ILDR2: variants seen among roughly 807,000 people sequenced by gnomAD.
ILDR2 encodes the protein immunoglobulin like domain containing receptor 2.
Under a neutral mutation model 66.8 loss-of-function variants are expected in ILDR2, and 25 were observed. The observed-to-expected ratio is 0.37, with a 90% CI of 0.27 to 0.52. The LOEUF is 0.52. Among genes scored for constraint, ILDR2 ranks in the 20% least tolerant of loss-of-function variants. The probability of loss-of-function intolerance (pLI) is 0.88; values close to 1 mark genes in which losing one functional copy is unlikely to be tolerated. For synonymous variants in ILDR2, 367 were observed against 357.2 expected (o/e 1.03, Z -0.31); for missense variants, 827 against 876.8 (o/e 0.94, Z 0.72).
At chr1:166,899,958 T>C (rs1198942937) in intron 2 of ILDR2, among the ~76,000 whole-genome samples, 2 of 152,234 alleles carry the variant, frequency 1.3e-5, no homozygotes, top group Admixed American at 6.5e-5. Context: ...TCCAGCACAG[T>C]TGATGTCATC....
At chr1:166,919,978 C>T (rs1400440742) in intron 9 of ILDR2, among the ~76,000 whole-genome samples, 1 of 152,142 alleles carries the variant, frequency 6.6e-6, no homozygotes, top group Non-Finnish European at 1.5e-5. Context: ...CCACAGCGGA[C>T]ATTTGTGACT....
intron 2 of ILDR2, among the ~76,000 whole-genome samples, chr1:166,899,761 T>G (rs772540265): frequency 6.6e-6 from 1 of 152,268 alleles, no homozygotes; most frequent in Non-Finnish European, 1.5e-5. Flanking sequence ...ACAACCCTTC[T>G]TCTCCTTGCT....
In ILDR2 at chr1:166,920,740, C is replaced by T. The variant is rs1480098640; in HGVS notation, c.1851G>A (p.Glu617=). ...GRDLPYHSNS[E]KKRKKEPAKK... ...TGGCGGGCTCCTTTTTCCTCTTCTT[C>T]TCCGAGTTGCTGTGGTAGGGCAGGT... is the stretch of plus-strand genomic sequence containing the variant. Residue 617 remains glutamate (E), a synonymous_variant, in exon 9 of 10, where the codon GAG becomes GAA. Coordinates refer to ENST00000271417, the MANE Select transcript of ILDR2 (RefSeq NM_199351.3). 1 of 1,453,052 alleles carries T rather than the reference C, an allele frequency of 6.9e-7. No individual in the cohort carries two copies. The highest frequency in any genetic ancestry group is 9.1e-7 in the Non-Finnish European group (1 of 1,100,706). 90.0% of individuals were successfully genotyped at this position (1,453,052 alleles called of 1,614,324 possible). A position where few individuals can be genotyped will look rare whatever the true frequency, so the allele number is the denominator to read the frequency against.
chr1:166,907,672 G>T (rs1659373345), downstream of ILDR2, among the ~76,000 whole-genome samples: 1 of 152,150 alleles, frequency 6.6e-6, no homozygotes, highest in Non-Finnish European at 1.5e-5. Context: ...GATATCGGTT[G>T]CTTGGAAGCA....
chr1:166,960,740 C>T (rs1217324882), intron 1 of ILDR2, among the ~76,000 whole-genome samples: 1 of 152,198 alleles, frequency 6.6e-6, no homozygotes, highest in Non-Finnish European at 1.5e-5. Context: ...TCTGGAAGCT[C>T]ATTGAAGAAC....
In ILDR2 at chr1:166,910,913, T is replaced by C. The variant is rs1659459017; in HGVS notation, c.*8442A>G. 6.6e-6 allele frequency: 1 copy of C among 152,238 alleles called. No homozygotes were observed. The highest frequency in any genetic ancestry group is 2.1e-4 in the South Asian group (1 of 4,834). 9.4% of individuals were successfully genotyped at this position (152,238 alleles called of 1,614,324 possible). A position where few individuals can be genotyped will look rare whatever the true frequency, so the allele number is the denominator to read the frequency against. ...TAGTCCTTCCTTGCTGCTTCTTTTTTTTCTTGTCTTTTTAAATTTTTACCT... is the reference window on the plus strand; with the variant it reads ...TAGTCCTTCCTTGCTGCTTCTTTTTCTTCTTGTCTTTTTAAATTTTTACCT... On this transcript the variant is annotated 3_prime_UTR_variant, in exon 10 of 10. Coordinates refer to ENST00000271417, the MANE Select transcript of ILDR2 (RefSeq NM_199351.3).
intron 3 of ILDR2, among the ~76,000 whole-genome samples, chr1:166,950,621 A>C (rs926705091): frequency 6.6e-6 from 1 of 152,036 alleles, no homozygotes; most frequent in African/African-American, 2.4e-5. Flanking sequence ...CCAAGAATTC[A>C]CTGATTTTAT....
At chr1:166,902,603 C>CGACCACAAG (rs1434718149) in intron 2 of ILDR2, among the ~76,000 whole-genome samples, 2 of 152,238 alleles carry the variant, frequency 1.3e-5, no homozygotes, top group African/African-American at 4.8e-5. Flanking sequence ...TCTCAGTCAC[C>CGACCACAAG]GACCACAAGA....
At chr1:166,951,581 T>G (rs1266940474) in intron 3 of ILDR2, among the ~76,000 whole-genome samples, 1 of 152,202 alleles carries the variant, frequency 6.6e-6, no homozygotes, top group Non-Finnish European at 1.5e-5. Context: ...TTTGTACTTT[T>G]CTGTTTTGTT....
intron 3 of ILDR2, among the ~76,000 whole-genome samples, chr1:166,952,233 C>T (rs541183995): frequency 6.6e-6 from 1 of 152,300 alleles, no homozygotes; most frequent in African/African-American, 2.4e-5. Context: ...TATAAACAGC[C>T]TGTCCTTACC....
At position 166,936,613 on chromosome 1, in the gene ILDR2, A is replaced by T; in HGVS notation, c.681T>A (p.Asp227Glu). 6.2e-7 allele frequency: 1 copy of T among 1,614,098 alleles called. No individual in the cohort carries two copies. Among genetic ancestry groups the T allele is most frequent in the South Asian group, 1.1e-5 (1 of 91,072 alleles). ...CACAGGCTTGAGGGCAGCAGCAGGA[A>T]TCTGGGCAGCATGGGCAGCGGACAT... ...CCYVRCPCCPDSCCCPQALYE... is the reference protein window; with the variant it reads ...CCYVRCPCCPESCCCPQALYE... Residue 227 changes from aspartate (D) to glutamate (E), a missense_variant, in exon 5 of 10, where the codon GAT becomes GAA. Asp to Glu is a conservative substitution (Grantham distance 45, BLOSUM62 2). This residue lies in a region of ILDR2 where 437 missense variants were observed against 523.2 expected (regional missense o/e 0.84). Transcript: ENST00000271417. The surrounding 1 kb of genome is among the most constrained non-coding windows in gnomAD (Gnocchi z 5.0).
At chr1:166,944,877 G>A (rs1321217258) in intron 3 of ILDR2, among the ~76,000 whole-genome samples, 16 of 151,876 alleles carry the variant, frequency 1.1e-4, no homozygotes, top group Non-Finnish European at 7.4e-5. Flanking sequence ...TTACTTTTAC[G>A]AGTGCCTCCA....
At chr1:166,974,893 C>G (rs1005110352) in intron 1 of ILDR2, among the ~76,000 whole-genome samples, 3 of 152,192 alleles carry the variant, frequency 2.0e-5, no homozygotes, top group Non-Finnish European at 4.4e-5. Context: ...CAGGATAAGA[C>G]CGAAGGAGAA....
chr1:166,942,923 CAGA>C (rs1661392840), intron 3 of ILDR2, among the ~76,000 whole-genome samples: 1 of 152,124 alleles, frequency 6.6e-6, no homozygotes, highest in South Asian at 2.1e-4. Context: ...AAGGGTGTAT[CAGA>C]CATATGGACA....
Position 166,942,312 on chromosome 1 carries a change from C to T in ILDR2, c.500-2742G>A, listed in dbSNP as rs149232665. On this transcript the variant is annotated intron_variant, in intron 3 of 9. Transcript: ENST00000271417. ...TTAAAAACTCAAATGTCTATGGGCA[C>T]CAGCAGGTAATGCAAATGAGTGCAG... Among the ~76,000 whole-genome samples, 323 of 152,280 alleles carry T rather than the reference C, an allele frequency of 2.1e-3. 1 individual carries two copies. Among genetic ancestry groups the T allele is most frequent in the Non-Finnish European group, 4.0e-3 (272 of 68,016 alleles).
At chr1:166,970,436 T>C (rs1238053171) in intron 1 of ILDR2, among the ~76,000 whole-genome samples, 1 of 152,178 alleles carries the variant, frequency 6.6e-6, no homozygotes, top group Non-Finnish European at 1.5e-5. Context: ...CTCATCAAAT[T>C]TTAATGGGGA....
At chr1:166,923,357 A>T (rs576293270) in intron 7 of ILDR2, among the ~76,000 whole-genome samples, 1 of 152,304 alleles carries the variant, frequency 6.6e-6, no homozygotes, top group Non-Finnish European at 1.5e-5. Flanking sequence ...CTCCCCACAG[A>T]GCAGGAAGTC....
intron 1 of ILDR2, among the ~76,000 whole-genome samples, chr1:166,973,652 G>A (rs1411633652): frequency 2.3e-5 from 3 of 128,018 alleles, no homozygotes; most frequent in Non-Finnish European, 4.7e-5. Context: ...CAGTGCTGTT[G>A]TGATACAGGC....
chr1:166,914,396 G>A lies in ILDR2; in HGVS notation c.*4959C>T, dbSNP rs1377576531. 1 of 152,216 alleles carries A rather than the reference G, an allele frequency of 6.6e-6. No homozygotes were observed. Among genetic ancestry groups the A allele is most frequent in the Non-Finnish European group, 1.5e-5 (1 of 68,044 alleles). 9.4% of individuals were successfully genotyped at this position (152,216 alleles called of 1,614,324 possible). On this transcript the variant is annotated 3_prime_UTR_variant, in exon 10 of 10. Transcript: ENST00000271417. ...ATTGGAAAGGACACCAGACAAGACAGTCAGAAGGCCTGGCTTTATAATTTT... is the reference window on the plus strand; with the variant it reads ...ATTGGAAAGGACACCAGACAAGACAATCAGAAGGCCTGGCTTTATAATTTT...
Sources: allele counts gnomAD v4.1 joint callset (sites outside exome capture counted in the v4.1 genomes callset), GRCh38; gene constraint gnomAD v4.1.1; regional missense constraint gnomAD v4.1.1; non-coding constraint Gnocchi (gnomAD v3.1); transcripts MANE v1.5; gene names NCBI Gene and HGNC (gene_info 2026-07-23, HGNC 2026-07-21).